FAR2: variants seen among roughly 807,000 people sequenced by gnomAD.
FAR2 encodes the protein fatty acyl-CoA reductase 2, also known as epididymis secretory protein Li 81.
In FAR2, 19 loss-of-function variants were observed where a neutral mutation model predicts 56.0. The observed-to-expected ratio is 0.34, with a 90% CI of 0.24 to 0.50. The LOEUF (loss-of-function observed/expected upper bound fraction) is 0.50, where lower values mean the gene tolerates loss of function less well. Among genes scored for constraint, FAR2 ranks in the 20% least tolerant of loss-of-function variants. The pLI, the probability that FAR2 is intolerant of heterozygous loss-of-function variation, is 0.98. For synonymous variants in FAR2, 219 were observed against 218.8 expected (o/e 1.00, Z -0.01); for missense variants, 508 against 642.2 (o/e 0.79, Z 2.26).
chr12:29,275,532 C>T (rs1404489912), intron 2 of FAR2, among the ~76,000 whole-genome samples: 2 of 152,178 alleles, frequency 1.3e-5, no homozygotes, highest in South Asian at 2.1e-4. Context: ...CCTGAGGAAT[C>T]GCCACACTGA....
chr12:29,327,582 C>A (rs1949669842), intron 10 of FAR2, among the ~76,000 whole-genome samples: 1 of 152,088 alleles, frequency 6.6e-6, no homozygotes. Context: ...CAGAACAGAG[C>A]CCTCAGAAAC....
At chr12:29,186,205 T>A (rs1950038499) in intron 1 of FAR2, among the ~76,000 whole-genome samples, 1 of 152,260 alleles carries the variant, frequency 6.6e-6, no homozygotes, top group Admixed American at 6.5e-5. Context: ...TGTTATATAT[T>A]TATACTTAAC....
intron 1 of FAR2, among the ~76,000 whole-genome samples, chr12:29,202,458 C>T (rs1947428133): frequency 6.6e-6 from 1 of 152,148 alleles, no homozygotes; most frequent in Admixed American, 6.5e-5. Context: ...TAAGAACGTA[C>T]TGATAGAGTC....
intron 1 of FAR2, among the ~76,000 whole-genome samples, chr12:29,215,677 A>G (rs1947613435): frequency 6.6e-6 from 1 of 152,222 alleles, no homozygotes; most frequent in Admixed American, 6.5e-5. Flanking sequence ...TTATCATTAA[A>G]TATTTTAGAA....
chr12:29,270,459 A>G lies in FAR2; in HGVS notation c.10A>G (p.Ile4Val). 1 of 1,581,492 alleles carries G rather than the reference A, an allele frequency of 6.3e-7. No individual in the cohort carries two copies. The highest frequency in any genetic ancestry group is 8.6e-7 in the Non-Finnish European group (1 of 1,157,648). MST[I>V]AAFYGGKSIL... ...AAGAAAGGGAGGAATCATGTCCACA[A>G]TTGCAGCTTTCTATGGCGGCAAGTC... The change falls in exon 2 of 12, where the codon ATT (isoleucine) becomes GTT (valine). Residue 4 changes from isoleucine to valine, a missense_variant. Transcript: ENST00000536681.
At chr12:29,169,259 C>T (rs1371852399) in intron 1 of FAR2, among the ~76,000 whole-genome samples, 2 of 152,118 alleles carry the variant, frequency 1.3e-5, no homozygotes, top group African/African-American at 4.8e-5. Context: ...AAGTAGCAGC[C>T]CTGCAGTTGT....
chr12:29,232,488 C>T (rs1947873984), intron 1 of FAR2, among the ~76,000 whole-genome samples: 1 of 151,994 alleles, frequency 6.6e-6, no homozygotes, highest in African/African-American at 2.4e-5. Context: ...GATCTTTTAC[C>T]TCCTTACCTT....
chr12:29,208,295 G>A (rs1188701265), intron 1 of FAR2, among the ~76,000 whole-genome samples: 2 of 152,162 alleles, frequency 1.3e-5, no homozygotes, highest in East Asian at 3.9e-4. Flanking sequence ...GAGTGTTTCA[G>A]TTCCTACCCT....
intron 1 of FAR2, among the ~76,000 whole-genome samples, chr12:29,178,408 A>G (rs1158517529): frequency 6.6e-6 from 1 of 152,168 alleles, no homozygotes; most frequent in African/African-American, 2.4e-5. Flanking sequence ...AGCCTGGGTA[A>G]CATGGCCAAG....
At chr12:29,187,576 G>A (rs977138792) in intron 1 of FAR2, among the ~76,000 whole-genome samples, 1 of 152,092 alleles carries the variant, frequency 6.6e-6, no homozygotes. Context: ...AAAGATTTAA[G>A]GGAATGATTT....
At chr12:29,324,149 C>T (rs1390290411) in intron 10 of FAR2, among the ~76,000 whole-genome samples, 2 of 151,864 alleles carry the variant, frequency 1.3e-5, no homozygotes, top group Non-Finnish European at 2.9e-5. Context: ...AGGGTGTCAG[C>T]GATGGAAGAC....
chr12:29,157,808 C>T (rs1244605128), intron 1 of FAR2, among the ~76,000 whole-genome samples: 2 of 152,062 alleles, frequency 1.3e-5, no homozygotes, highest in Non-Finnish European at 2.9e-5. Context: ...GTGTCTGGTC[C>T]CAACATATTT....
At chr12:29,192,744 C>T (rs193014850) in intron 1 of FAR2, among the ~76,000 whole-genome samples, 1 of 152,086 alleles carries the variant, frequency 6.6e-6, no homozygotes, top group East Asian at 1.9e-4. Flanking sequence ...CATGAAATAC[C>T]AACATCAACT....
intron 8 of FAR2, among the ~76,000 whole-genome samples, chr12:29,315,619 G>A (rs1949435391): frequency 6.6e-6 from 1 of 152,200 alleles, no homozygotes; most frequent in Admixed American, 6.5e-5. Context: ...ACAGAAGGTG[G>A]AAATTATGAT....
intron 10 of FAR2, among the ~76,000 whole-genome samples, chr12:29,327,384 A>G (rs1949666432): frequency 6.6e-6 from 1 of 152,218 alleles, no homozygotes; most frequent in Non-Finnish European, 1.5e-5. Flanking sequence ...GACTTTCTTC[A>G]CAGAATTGGA....
chr12:29,201,447 C>A (rs1947410621), intron 1 of FAR2, among the ~76,000 whole-genome samples: 1 of 152,144 alleles, frequency 6.6e-6, no homozygotes, highest in Non-Finnish European at 1.5e-5. Context: ...GAAAATGTTA[C>A]CAGCCTGATT....
At chr12:29,176,454 T>G (rs1949939251) in intron 1 of FAR2, among the ~76,000 whole-genome samples, 1 of 152,186 alleles carries the variant, frequency 6.6e-6, no homozygotes, top group Non-Finnish European at 1.5e-5. Context: ...CATCTTTAGT[T>G]TGCATTTTTT....
At chr12:29,202,130 TTTA>T (rs150371197) in intron 1 of FAR2, among the ~76,000 whole-genome samples, 5,893 of 62,538 alleles carry the variant, frequency 0.094, 333 homozygotes, top group African/African-American at 0.17. Flanking sequence ...TTATTGCTAA[TTTA>T]TTATTATTAT....
At chr12:29,317,348 G>T (rs1017476229) in intron 9 of FAR2, among the ~76,000 whole-genome samples, 4 of 152,158 alleles carry the variant, frequency 2.6e-5, no homozygotes, top group Non-Finnish European at 5.9e-5. Context: ...GGCTAAGTGT[G>T]TATGAAACAG....
Sources: gnomAD v4.1 joint callset for allele counts (sites outside exome capture counted in the v4.1 genomes callset) on GRCh38, gnomAD v4.1.1 for gene constraint, MANE v1.5 for transcripts, NCBI Gene and HGNC (gene_info 2026-07-23, HGNC 2026-07-21) for gene names.